The following STARD8 variants were observed in gnomAD, a reference collection of about 807,000 sequenced individuals.
The protein encoded by STARD8 is StAR related lipid transfer domain containing 8, also known as stAR-related lipid transfer protein 8.
Under a neutral mutation model 69.4 loss-of-function variants are expected in STARD8, and 25 were observed. The observed-to-expected ratio is 0.36, with a 90% CI of 0.26 to 0.50. STARD8 has a LOEUF of 0.50. Ranked by LOEUF, STARD8 falls within the 20% of genes least tolerant of loss-of-function variation. The probability of loss-of-function intolerance (pLI) is 0.96; values close to 1 mark genes in which losing one functional copy is unlikely to be tolerated. For synonymous variants in STARD8, 389 were observed against 374.6 expected (o/e 1.04, Z -0.45); for missense variants, 921 against 932.5 (o/e 0.99, Z 0.16).
chrX:68,659,009 G>A (rs912266131), intron 1 of STARD8, among the ~76,000 whole-genome samples: 1 of 112,202 alleles, frequency 8.9e-6, no homozygotes, highest in African/African-American at 3.2e-5. Context: ...CCTTCTGGGA[G>A]CTGGAGAGAA....
At chrX:68,689,262 G>A (rs1377539185) in intron 2 of STARD8, among the ~76,000 whole-genome samples, 1 of 95,154 alleles carries the variant, frequency 1.1e-5, no homozygotes, top group African/African-American at 3.7e-5. Context: ...CCATCTATTT[G>A]TTAGGGCTGG....
intron 2 of STARD8, among the ~76,000 whole-genome samples, chrX:68,699,704 G>A (rs2079951570): frequency 8.9e-6 from 1 of 111,943 alleles, no homozygotes; most frequent in African/African-American, 3.3e-5. Flanking sequence ...GTGGGGGCAG[G>A]AAATGGGGCA....
At position 68,665,479 on chromosome X, in the gene STARD8, C is replaced by T; in HGVS notation, c.46-20C>T. On this transcript the variant is annotated intron_variant, in intron 1 of 14. Transcript: ENST00000374599. ...TTGCATCTCTGCAATGCCTTGACTT[C>T]TTCTCTGTTTCTTTTGCAGTGCTTC... 1 of 1,203,208 alleles carries T rather than the reference C, an allele frequency of 8.3e-7. No homozygotes were observed. The highest frequency in any genetic ancestry group is 1.1e-6 in the Non-Finnish European group (1 of 891,982).
chrX:68,717,147 G>C, intron 5 of STARD8, 65 bp from the exon 6 acceptor site: 1 of 1,101,579 alleles, frequency 9.1e-7, no homozygotes, highest in Non-Finnish European at 1.2e-6. Flanking sequence ...GAAGCAGAGA[G>C]TGGAGTACAA....
chrX:68,688,890 C>T (rs1288852296), intron 2 of STARD8, among the ~76,000 whole-genome samples: 6 of 106,925 alleles, frequency 5.6e-5, no homozygotes, highest in African/African-American at 2.1e-4. Context: ...CTTGCAGATG[C>T]CCCACCCCCA....
chrX:68,660,595 C>T (rs751168550), intron 1 of STARD8, among the ~76,000 whole-genome samples: 2 of 112,486 alleles, frequency 1.8e-5, no homozygotes, highest in Non-Finnish European at 3.8e-5. Flanking sequence ...CATCTCTACT[C>T]AGCTGTCTCT....
chrX:68,658,817 C>T (rs904297079), intron 1 of STARD8, among the ~76,000 whole-genome samples: 3 of 112,657 alleles, frequency 2.7e-5, no homozygotes, highest in African/African-American at 9.7e-5. Context: ...CTGGGCAGCC[C>T]TTGAGCTGTT....
chrX:68,655,572 T>C (rs2079606366), intron 1 of STARD8, among the ~76,000 whole-genome samples: 1 of 112,140 alleles, frequency 8.9e-6, no homozygotes, highest in Non-Finnish European at 1.9e-5. Context: ...ACATATGCTG[T>C]GTAACTTTGA....
At chrX:68,653,587 ACACCACACAAG>A (rs2079591077) in intron 1 of STARD8, among the ~76,000 whole-genome samples, 1 of 68,882 alleles carries the variant, frequency 1.5e-5, no homozygotes, top group African/African-American at 5.8e-5. Context: ...CACACACACC[ACACCACACAAG>A]CACACACACC....
chrX:68,647,810 C>A lies in STARD8; in HGVS notation c.-73C>A, dbSNP rs1190241571. The A allele has an allele frequency of 1.7e-6, 2 of 1,147,400 alleles. No homozygotes were observed. The highest frequency in any genetic ancestry group is 3.9e-5 in the South Asian group (2 of 51,848). The allele number at this position is 1,147,400 out of a possible 1,213,427, so 94.6% of individuals were successfully genotyped here. A position where few individuals can be genotyped will look rare whatever the true frequency, so the allele number is the denominator to read the frequency against. ...TCGCCGAGCCCCGGGCCTCTTTTAG[C>A]CTCGTCCCCAGAGAGGGAGGAGCCG... On this transcript the variant is annotated 5_prime_UTR_variant, in exon 1 of 15. Coordinates refer to ENST00000374599, the MANE Select transcript of STARD8 (RefSeq NM_001142503.3).
chrX:68,708,012 G>T (rs1167741180), intron 2 of STARD8, among the ~76,000 whole-genome samples: 2 of 111,766 alleles, frequency 1.8e-5, no homozygotes, highest in Admixed American at 9.5e-5. Context: ...TTTTCAACTG[G>T]TACACAATCT....
At chrX:68,699,277 G>A (rs1278084813) in intron 2 of STARD8, among the ~76,000 whole-genome samples, 1 of 112,283 alleles carries the variant, frequency 8.9e-6, no homozygotes, top group African/African-American at 3.2e-5. Context: ...GCTCAGGGCA[G>A]AAGGACCTTT....
intron 2 of STARD8, among the ~76,000 whole-genome samples, chrX:68,686,478 T>C (rs34809700): frequency 0.19 from 20,809 of 111,855 alleles, 3,507 homozygotes; most frequent in African/African-American, 0.55. Context: ...GGCGTTGCGG[T>C]TCCCGAAGCC....
At position 68,725,321 on chromosome X, in the gene STARD8, C is replaced by G. The variant is rs1349694326; in HGVS notation, c.*899C>G. ...TAACAGCCCCTTTCTCAAGCAGAGA[C>G]CTGGCCCCTGGGCCAGCCAGATGGA... On this transcript the variant is annotated 3_prime_UTR_variant, in exon 15 of 15. Transcript: ENST00000374599. 1.8e-5 allele frequency: 2 copies of G among 109,630 alleles called. No homozygotes were observed. Among genetic ancestry groups the G allele is most frequent in the East Asian group, 5.8e-4 (2 of 3,451 alleles). 9.0% of individuals were successfully genotyped at this position (109,630 alleles called of 1,213,427 possible).
intron 1 of STARD8, among the ~76,000 whole-genome samples, chrX:68,655,649 A>T (rs1410433998): frequency 8.9e-6 from 1 of 112,070 alleles, no homozygotes; most frequent in East Asian, 2.8e-4. Flanking sequence ...GATGGAGCTC[A>T]AGAGAGTTGT....
intron 5 of STARD8, 67 bp from the exon 6 acceptor site, chrX:68,717,145 G>C: frequency 1.8e-6 from 2 of 1,098,322 alleles, no homozygotes; most frequent in South Asian, 2.4e-5. Context: ...TGGAAGCAGA[G>C]AGTGGAGTAC....
chrX:68,666,493 C>A (rs189640379), intron 2 of STARD8, among the ~76,000 whole-genome samples: 1 of 112,087 alleles, frequency 8.9e-6, no homozygotes, highest in Non-Finnish European at 1.9e-5. Flanking sequence ...CAACCAGAAC[C>A]CTTACTAATA....
At chrX:68,694,637 C>T (rs2079904846) in intron 2 of STARD8, among the ~76,000 whole-genome samples, 1 of 111,286 alleles carries the variant, frequency 9.0e-6, no homozygotes, top group Admixed American at 9.5e-5. Context: ...CAGGTGGCAG[C>T]TTGATTTCAG....
chrX:68,717,092 A>T (rs1248050975), intron 5 of STARD8, 120 bp from the exon 6 acceptor site: 1 of 1,036,352 alleles, frequency 9.6e-7, no homozygotes, highest in African/African-American at 1.9e-5. Flanking sequence ...CCATGTTCTC[A>T]GCCAGAAAGC....
Sources: allele counts gnomAD v4.1 joint callset (sites outside exome capture counted in the v4.1 genomes callset), GRCh38; gene constraint gnomAD v4.1.1; transcripts MANE v1.5; gene names NCBI Gene and HGNC (gene_info 2026-07-23, HGNC 2026-07-21).